BCO1: variants seen among roughly 807,000 people sequenced by gnomAD.
BCO1 encodes beta-carotene oxygenase 1, also known as beta,beta-carotene 15,15'-dioxygenase.
Under a neutral mutation model 56.3 loss-of-function variants are expected in BCO1, and 54 were observed. The observed-to-expected ratio is 0.96, with a 90% CI of 0.77 to 1.20. The LOEUF is 1.20. BCO1 is among the 50% of genes most tolerant of loss of function. The pLI is 0.00. For synonymous variants in BCO1, 318 were observed against 266.1 expected (o/e 1.20, Z -1.90); for missense variants, 801 against 690.9 (o/e 1.16, Z -1.79).
At chr16:81,282,578 T>G (rs1378063059) in intron 8 of BCO1, among the ~76,000 whole-genome samples, 1 of 151,924 alleles carries the variant, frequency 6.6e-6, no homozygotes, top group Non-Finnish European at 1.5e-5. Flanking sequence ...GTGATGCAAC[T>G]CATTCCCCTG....
At chr16:81,254,857 T>C (rs1194593107) in intron 2 of BCO1, among the ~76,000 whole-genome samples, 1 of 152,028 alleles carries the variant, frequency 6.6e-6, no homozygotes, top group Non-Finnish European at 1.5e-5. Flanking sequence ...AGTGCAGTAG[T>C]GCGATCTTGG....
At position 81,266,166 on chromosome 16, in the gene BCO1, G is replaced by A. The variant is rs574914514; in HGVS notation, c.619+1379G>A. Among the ~76,000 whole-genome samples, 3 of 152,336 alleles carry A rather than the reference G, an allele frequency of 2.0e-5. No homozygotes were observed. The South Asian group carries it at 6.2e-4, about 32-fold the overall frequency. On this transcript the variant is annotated intron_variant, in intron 5 of 10. Coordinates refer to ENST00000258168, the MANE Select transcript of BCO1 (RefSeq NM_017429.3). Reference sequence around the variant, plus strand: ...AGGGCTGTTTAGGGAGCTCAGTCCTGCTGGGATCCACTCCAGATCCCTGCC... The same window carrying A: ...AGGGCTGTTTAGGGAGCTCAGTCCTACTGGGATCCACTCCAGATCCCTGCC...
intron 10 of BCO1, among the ~76,000 whole-genome samples, chr16:81,287,844 C>G (rs1256388143): frequency 1.3e-5 from 2 of 152,174 alleles, no homozygotes; most frequent in Non-Finnish European, 2.9e-5. Context: ...TATGACAATA[C>G]TCACCGAGTA....
rs557545868 is a variant in BCO1, at chr16:81,244,426, T to C, written c.65-1049T>C. On this transcript the variant is annotated intron_variant, in intron 1 of 10. Coordinates refer to ENST00000258168, the MANE Select transcript of BCO1 (RefSeq NM_017429.3). ...AATATTTAAAAAATTGCTAATGAGA[T>C]GGTTCACTTTTGTTCATACTAAGTC... Among the ~76,000 whole-genome samples the C allele has an allele frequency of 2.9e-5, 4 of 138,328 alleles. No individual in the cohort carries two copies. The East Asian group carries it at 7.7e-4, about 27-fold the overall frequency. The allele number at this position is 138,328 out of a possible 152,430, so 90.7% of individuals were successfully genotyped here.
rs777142346 is a variant in BCO1 at position 81,268,116 on chromosome 16, C to G, written c.828C>G (p.Phe276Leu). Residue 276 changes from phenylalanine to leucine, a missense_variant, in exon 6 of 11, where the codon TTC becomes TTG. Coordinates refer to ENST00000258168, the MANE Select transcript of BCO1 (RefSeq NM_017429.3). ...RRMSWASCLA[F>L]HREEKTYIHI... is the part of the protein sequence containing the mutation. ...TGAGCTGGGCCTCCTGCCTGGCTTT[C>G]CACAGGGAGGAGAAGGTGAGGTCTG... 1.9e-6 allele frequency: 3 copies of G among 1,609,194 alleles called. No homozygotes were observed. Among genetic ancestry groups the G allele is most frequent in the Non-Finnish European group, 2.5e-6 (3 of 1,179,918 alleles).
intron 10 of BCO1, 122 bp downstream of exon 10, chr16:81,287,528 AGT>A: frequency 1.3e-6 from 1 of 773,934 alleles, no homozygotes. Flanking sequence ...GGTGCTTTGA[AGT>A]GTACATCTGT....
intron 1 of BCO1, among the ~76,000 whole-genome samples, chr16:81,244,870 C>A (rs186543398): frequency 6.6e-6 from 1 of 152,108 alleles, no homozygotes; most frequent in East Asian, 1.9e-4. Context: ...CAGGCATATG[C>A]CACCACAATG....
At chr16:81,242,117 C>A (rs565682179) in intron 1 of BCO1, among the ~76,000 whole-genome samples, 1 of 151,960 alleles carries the variant, frequency 6.6e-6, no homozygotes, top group African/African-American at 2.4e-5. Context: ...TCAAGCCTGC[C>A]CCCTCTCCTG....
intron 7 of BCO1, 35 bp from the exon 8 acceptor site, chr16:81,280,822 T>G: frequency 6.7e-7 from 1 of 1,490,974 alleles, no homozygotes; most frequent in Non-Finnish European, 9.4e-7. Context: ...GATTACACGT[T>G]TTTATTTTAC....
intron 7 of BCO1, among the ~76,000 whole-genome samples, chr16:81,272,338 T>A (rs1355225131): frequency 6.6e-6 from 1 of 151,358 alleles, no homozygotes; most frequent in East Asian, 2.0e-4. Flanking sequence ...CAGGATGGTC[T>A]CAACCTCCTG....
At chr16:81,283,182 C>T (rs954731753) in intron 8 of BCO1, among the ~76,000 whole-genome samples, 3 of 152,124 alleles carry the variant, frequency 2.0e-5, no homozygotes, top group Non-Finnish European at 2.9e-5. Flanking sequence ...TGAGTATTTT[C>T]CCACATCCTG....
rs149643351 is a variant in BCO1 at position 81,278,426 on chromosome 16, G to A, written c.1102-2431G>A. On this transcript the variant is annotated intron_variant, in intron 7 of 10. Coordinates refer to ENST00000258168, the MANE Select transcript of BCO1 (RefSeq NM_017429.3). ...CTCTCATTTGATTCTTACAGCCACC[G>A]TGCAAAACAAGTCTTGCCCCTTGAC... is the stretch of plus-strand genomic sequence containing the variant. Among the ~76,000 whole-genome samples, 93 of 152,186 alleles carry A rather than the reference G, an allele frequency of 6.1e-4. 1 individual carries two copies. The highest frequency in any genetic ancestry group is 2.0e-3 in the African/African-American group (83 of 41,504).
At chr16:81,258,474 G>A (rs1271327261) in intron 2 of BCO1, among the ~76,000 whole-genome samples, 1 of 152,222 alleles carries the variant, frequency 6.6e-6, no homozygotes, top group Non-Finnish European at 1.5e-5. Context: ...GGAGACTGAA[G>A]TGATCAACTG....
At chr16:81,251,489 G>A (rs1252687768) in intron 2 of BCO1, among the ~76,000 whole-genome samples, 3 of 150,778 alleles carry the variant, frequency 2.0e-5, no homozygotes, top group African/African-American at 7.3e-5. Context: ...GAGCCTTGGA[G>A]GCAGAGGCTG....
intron 2 of BCO1, among the ~76,000 whole-genome samples, chr16:81,254,689 G>A (rs1422548433): frequency 6.6e-6 from 1 of 152,102 alleles, no homozygotes; most frequent in African/African-American, 2.4e-5. Context: ...ACAACCCCAA[G>A]GGCAAAACAA....
Position 81,240,410 on chromosome 16 carries a change from A to C in BCO1, c.64+1438A>C, listed in dbSNP as rs60032800. Among the ~76,000 whole-genome samples the C allele has an allele frequency of 5.9e-3, 891 of 152,144 alleles. 12 individuals carry two copies. Among genetic ancestry groups the C allele is most frequent in the African/African-American group, 0.021 (855 of 41,512 alleles). On this transcript the variant is annotated intron_variant, in intron 1 of 10. Transcript: ENST00000258168. The stretch of plus-strand genomic sequence containing the variant: ...TCATCTGTACATATTTTATTTTTTA[A>C]AAAGACACCCCACGGCCAGGTGCGG...
At chr16:81,287,485 G>T (rs1021025687) in intron 10 of BCO1, 79 bp downstream of exon 10, 1 of 1,117,680 alleles carries the variant, frequency 8.9e-7, no homozygotes, top group Non-Finnish European at 1.4e-6. Context: ...TCTGGGGGCA[G>T]CTGACCCCCC....
At chr16:81,245,793 C>G (rs990323323) in intron 2 of BCO1, among the ~76,000 whole-genome samples, 190 bp downstream of exon 2, 4 of 149,834 alleles carry the variant, frequency 2.7e-5, no homozygotes, top group African/African-American at 9.8e-5. Context: ...TATCCACGTT[C>G]TTCCGTTTTC....
rs1908428896 is a variant in BCO1 at position 81,290,996 on chromosome 16, C to A, written c.*419C>A. ...CTTTCCTTTGCTCCCTCCCATGTTT[C>A]TGGTGGACTAAATTGTGTATCTGGG... On this transcript the variant is annotated 3_prime_UTR_variant, in exon 11 of 11. Coordinates refer to ENST00000258168, the MANE Select transcript of BCO1 (RefSeq NM_017429.3). 5.7e-6 allele frequency: 1 copy of A among 174,572 alleles called. No individual in the cohort carries two copies. Among genetic ancestry groups the A allele is most frequent in the Non-Finnish European group, 1.2e-5 (1 of 80,714 alleles). 10.8% of individuals were successfully genotyped at this position (174,572 alleles called of 1,614,324 possible). A position where few individuals can be genotyped will look rare whatever the true frequency, so the allele number is the denominator to read the frequency against.
Sources: allele counts gnomAD v4.1 joint callset (sites outside exome capture counted in the v4.1 genomes callset), GRCh38; gene constraint gnomAD v4.1.1; transcripts MANE v1.5; gene names NCBI Gene and HGNC (gene_info 2026-07-23, HGNC 2026-07-21).